The following HERC1 variants were observed in gnomAD, a reference collection of about 807,000 sequenced individuals.
HERC1 encodes probable E3 ubiquitin-protein ligase HERC1.
HERC1 carries 160 observed loss-of-function variants against 554.3 expected under a neutral mutation model. The observed-to-expected ratio is 0.29, with a 90% CI of 0.25 to 0.33. The LOEUF is 0.33. HERC1 is among the 10% of genes least tolerant of loss of function. HERC1 has a pLI of 1.00. For missense variants in HERC1, 4,919 were observed against 5,918.5 expected, an observed-to-expected ratio of 0.83 and a Z score of 5.54; for synonymous variants, 2,175 against 2,131.7, an observed-to-expected ratio of 1.02 and a Z score of -0.56.
At chr15:63,801,971 C>A (rs945245841) in intron 1 of HERC1, among the ~76,000 whole-genome samples, 2 of 152,222 alleles carry the variant, frequency 1.3e-5, no homozygotes, top group Non-Finnish European at 2.9e-5. Flanking sequence ...TCTAACACAT[C>A]ATGTTTAAAA....
At chr15:63,613,977 C>T (rs926272961) in intron 76 of HERC1, among the ~76,000 whole-genome samples, 1 of 152,110 alleles carries the variant, frequency 6.6e-6, no homozygotes, top group Non-Finnish European at 1.5e-5. Flanking sequence ...CTTGGTGGAA[C>T]ACAAAACAAA....
At chr15:63,695,792 A>T (rs2072376493) in intron 27 of HERC1, among the ~76,000 whole-genome samples, 1 of 152,368 alleles carries the variant, frequency 6.6e-6, no homozygotes, top group South Asian at 2.1e-4. Context: ...CACACAAACT[A>T]GGTAAACGAT....
chr15:63,788,721 G>A (rs1046240909), intron 1 of HERC1, among the ~76,000 whole-genome samples: 6 of 151,710 alleles, frequency 4.0e-5, no homozygotes, highest in African/African-American at 7.3e-5. Context: ...GTTCGAGACC[G>A]GCCTGACCAA....
At chr15:63,622,912 T>A (rs756499224) in intron 73 of HERC1, 21 bp from the exon 74 acceptor site, 12 of 1,537,432 alleles carry the variant, frequency 7.8e-6, no homozygotes, top group Non-Finnish European at 8.8e-6. Context: ...AAGAAAAAAA[T>A]TTTTTGAGAA....
At chr15:63,615,400 G>C (rs953777670) in intron 76 of HERC1, among the ~76,000 whole-genome samples, 1 of 152,190 alleles carries the variant, frequency 6.6e-6, no homozygotes, top group African/African-American at 2.4e-5. Flanking sequence ...CTTGAGGCCA[G>C]GAGTTCAAGA....
intron 1 of HERC1, among the ~76,000 whole-genome samples, chr15:63,821,247 CCTCAT>C (rs1388192777): frequency 1.3e-5 from 2 of 151,970 alleles, no homozygotes; most frequent in East Asian, 3.9e-4. Flanking sequence ...CAGAGTGAGA[CCTCAT>C]CCCTAAAAAA....
chr15:63,661,226 C>T (rs1443746251), intron 45 of HERC1, among the ~76,000 whole-genome samples: 13 of 152,122 alleles, frequency 8.5e-5, no homozygotes, highest in Admixed American at 5.9e-4. Context: ...GATTATTTTA[C>T]CAAACTACTG....
Position 63,678,098 on chromosome 15 carries a change from TCTC to T in HERC1, c.6814_6816del (p.Glu2272del), listed in dbSNP as rs1182572665. ...CCTTTCTCTTCCTCTTTGCTCTCCT[TCTC>T]CTCTCTCATTTCATTTTCCTCTCGG... On this transcript the variant is annotated inframe_deletion, in exon 37 of 78. Coordinates refer to ENST00000443617, the MANE Select transcript of HERC1 (RefSeq NM_003922.4). The T allele has an allele frequency of 1.2e-6, 2 of 1,613,842 alleles. No homozygotes were observed. Among genetic ancestry groups the T allele is most frequent in the Non-Finnish European group, 1.7e-6 (2 of 1,179,876 alleles).
chr15:63,715,909 A>G (rs1299022923), intron 22 of HERC1, among the ~76,000 whole-genome samples: 2 of 152,186 alleles, frequency 1.3e-5, no homozygotes, highest in Non-Finnish European at 1.5e-5. Context: ...GGAAAACATT[A>G]TGGCTCTCCT....
At position 63,734,864 on chromosome 15, in the gene HERC1, G is replaced by C. The variant is rs1453855536; in HGVS notation, c.2521-15C>G. 1 of 1,605,318 alleles carries C rather than the reference G, an allele frequency of 6.2e-7. No homozygotes were observed. The highest frequency in any genetic ancestry group is 2.2e-5 in the East Asian group (1 of 44,454). On this transcript the variant is annotated splice_polypyrimidine_tract_variant and intron_variant, in intron 12 of 77. Coordinates refer to ENST00000443617, the MANE Select transcript of HERC1 (RefSeq NM_003922.4). The surrounding 1 kb of genome is among the most constrained non-coding windows in gnomAD (Gnocchi z 4.6). ...TCAATTACCACCTAATATCAAAAGAGAAAAGTATACTGATTGGCCTGGTTC... is the reference window on the plus strand; with the variant it reads ...TCAATTACCACCTAATATCAAAAGACAAAAGTATACTGATTGGCCTGGTTC...
intron 14 of HERC1, among the ~76,000 whole-genome samples, chr15:63,730,026 C>CAAAAA (rs57121923): frequency 1.4e-5 from 1 of 71,472 alleles, no homozygotes; most frequent in Admixed American, 1.7e-4. Context: ...AACTATGTCT[C>CAAAAA]AAAAAAAAAA....
At chr15:63,806,800 T>G (rs1173788014) in intron 1 of HERC1, among the ~76,000 whole-genome samples, 8 of 152,232 alleles carry the variant, frequency 5.3e-5, no homozygotes, top group Non-Finnish European at 8.8e-5. Flanking sequence ...GAGACAGTCT[T>G]GCTCTGTCAT....
At chr15:63,826,458 G>A (rs2053591) in intron 1 of HERC1, among the ~76,000 whole-genome samples, 122,544 of 151,974 alleles carry the variant, frequency 0.81, 51,178 homozygotes, top group Non-Finnish European at 0.87. Flanking sequence ...ATGTGAACCA[G>A]TAACTACCAT....
At position 63,626,016 on chromosome 15, in the gene HERC1, C is replaced by G. The variant is rs1457632804; in HGVS notation, c.13244G>C (p.Trp4415Ser). The G allele has an allele frequency of 6.2e-7, 1 of 1,611,724 alleles. No individual in the cohort carries two copies. The highest frequency in any genetic ancestry group is 1.1e-5 in the South Asian group (1 of 90,502). The part of the protein sequence containing the change: ...YHFSDLMYSS[W>S]RLLNLSPNNQ... ...GTTGGGGCTAAGGTTCAGCAGTCTC[C>G]AGGATGAGTACATGAGGTCAGAGAA... Residue 4415 changes from tryptophan to serine, a missense_variant, in exon 71 of 78, where the codon TGG (tryptophan) becomes TCG (serine). This residue lies in a region of HERC1 where 410 missense variants were observed against 467.0 expected (regional missense o/e 0.88). Transcript: ENST00000443617.
Position 63,640,430 on chromosome 15 carries a change from C to A in HERC1, c.11623G>T (p.Gly3875Cys). Residue 3875 changes from glycine to cysteine, a missense_variant, in exon 61 of 78, where the codon GGT (glycine) becomes TGT (cysteine). Gly to Cys is a radical substitution (Grantham distance 159). Coordinates refer to ENST00000443617, the MANE Select transcript of HERC1 (RefSeq NM_003922.4). ...TAGGGGCTATGAACAAGTTGGTCAC[C>A]ACAAACCACATGAGGCTAAAACAAA... Reference protein sequence around the residue: ...YAYEKPHVVCGDQLVHSPYMQ... With the variant: ...YAYEKPHVVCCDQLVHSPYMQ... 1 of 1,613,130 alleles carries A rather than the reference C, an allele frequency of 6.2e-7. No homozygotes were observed.
chr15:63,751,266 T>C (rs2075234553), intron 8 of HERC1, among the ~76,000 whole-genome samples: 1 of 152,252 alleles, frequency 6.6e-6, no homozygotes, highest in African/African-American at 2.4e-5. Context: ...CTTACCATTA[T>C]ATTACAATTT....
intron 47 of HERC1, among the ~76,000 whole-genome samples, chr15:63,659,242 AAAATC>A (rs1383801901): frequency 6.6e-6 from 1 of 152,108 alleles, no homozygotes; most frequent in Non-Finnish European, 1.5e-5. Context: ...AAGACAAAAA[AAAATC>A]AAAACATTTA....
intron 24 of HERC1, among the ~76,000 whole-genome samples, chr15:63,707,928 C>CAAAAAAAAA (rs71131176): frequency 2.0e-4 from 11 of 55,202 alleles, no homozygotes; most frequent in African/African-American, 6.2e-4. Context: ...GACTCCCTCT[C>CAAAAAAAAA]AAAAAAAAAA....
intron 14 of HERC1, 67 bp downstream of exon 14, chr15:63,732,857 A>G: frequency 9.3e-7 from 1 of 1,078,404 alleles, no homozygotes; most frequent in Middle Eastern, 2.2e-4. Flanking sequence ...TTAAATGTCA[A>G]AATACCTTGA....
Sources: allele counts gnomAD v4.1 joint callset (sites outside exome capture counted in the v4.1 genomes callset), GRCh38; gene constraint gnomAD v4.1.1; regional missense constraint gnomAD v4.1.1; non-coding constraint Gnocchi (gnomAD v3.1); transcripts MANE v1.5; gene names NCBI Gene and HGNC (gene_info 2026-07-23, HGNC 2026-07-21).